Variants in GLRA2 observed in about 807,000 individuals in gnomAD.
The protein encoded by GLRA2 is glycine receptor subunit alpha-2.
In GLRA2, 11 loss-of-function variants were observed where a neutral mutation model predicts 31.6. That is an observed-to-expected ratio of 0.35 (90% confidence interval 0.22 to 0.58). The LOEUF (loss-of-function observed/expected upper bound fraction) is 0.58. Among genes scored for constraint, GLRA2 ranks in the 20% least tolerant of loss-of-function variants. GLRA2 has a pLI of 0.84. For synonymous variants in GLRA2, 132 were observed against 134.0 expected (o/e 0.99, Z 0.10); for missense variants, 212 against 351.8 (o/e 0.60, Z 3.18).
chrX:14,679,025 G>A (rs1329874783), intron 7 of GLRA2, among the ~76,000 whole-genome samples: 1 of 111,149 alleles, frequency 9.0e-6, no homozygotes, highest in Non-Finnish European at 1.9e-5. Flanking sequence ...AAAAGAAGTG[G>A]CAAATCCAGC....
chrX:14,700,418 A>G (rs747368433), intron 8 of GLRA2, among the ~76,000 whole-genome samples: 1 of 111,345 alleles, frequency 9.0e-6, no homozygotes, highest in Non-Finnish European at 1.9e-5. Flanking sequence ...TGTGAGCACC[A>G]GCATATCAGA....
intron 2 of GLRA2, among the ~76,000 whole-genome samples, chrX:14,540,257 T>C (rs1601690881): frequency 1.8e-5 from 2 of 111,451 alleles, no homozygotes; most frequent in African/African-American, 6.5e-5. Context: ...TGTAGTATTC[T>C]GGGACTATCA....
At chrX:14,686,497 C>A (rs1229072364) in intron 7 of GLRA2, among the ~76,000 whole-genome samples, 1 of 111,350 alleles carries the variant, frequency 9.0e-6, no homozygotes, top group Non-Finnish European at 1.9e-5. Flanking sequence ...TCTGGGTGCT[C>A]CTGTGTTGGG....
intron 7 of GLRA2, among the ~76,000 whole-genome samples, chrX:14,643,073 T>C (rs752617831): frequency 8.9e-6 from 1 of 111,762 alleles, no homozygotes; most frequent in Non-Finnish European, 1.9e-5. Context: ...GGAGAAGGAA[T>C]GTTGGCAGCC....
intron 3 of GLRA2, among the ~76,000 whole-genome samples, chrX:14,580,677 C>T (rs2090007089): frequency 1.8e-5 from 2 of 111,963 alleles, no homozygotes; most frequent in Admixed American, 1.9e-4. Flanking sequence ...TTAATGTTTA[C>T]GTTGATAAAT....
chrX:14,570,982 A>G (rs1228725039), intron 2 of GLRA2, among the ~76,000 whole-genome samples: 2 of 110,470 alleles, frequency 1.8e-5, no homozygotes, highest in South Asian at 3.9e-4. Context: ...TACTTGAATT[A>G]TGGCCAGGCC....
chrX:14,623,612 T>A (rs1431768821), intron 7 of GLRA2, among the ~76,000 whole-genome samples: 1 of 111,604 alleles, frequency 9.0e-6, no homozygotes, highest in African/African-American at 3.3e-5. Flanking sequence ...GATAATCATG[T>A]GTTTTTGTCA....
At chrX:14,486,103 C>G in the GLRA2 span, among the ~76,000 whole-genome samples, 10 of 110,782 alleles carry the variant, frequency 9.0e-5, no homozygotes, top group Non-Finnish European at 1.7e-4. Flanking sequence ...GGAATTGTGC[C>G]CACATATACA....
intron 3 of GLRA2, among the ~76,000 whole-genome samples, chrX:14,575,752 C>T (rs1012200665): frequency 9.0e-6 from 1 of 111,651 alleles, no homozygotes; most frequent in African/African-American, 3.3e-5. Context: ...TTAACTACTA[C>T]ACCCAGGCTT....
intron 8 of GLRA2, among the ~76,000 whole-genome samples, chrX:14,723,430 T>C (rs2091889557): frequency 8.9e-6 from 1 of 112,288 alleles, no homozygotes; most frequent in African/African-American, 3.2e-5. Flanking sequence ...TGTAGCTTTG[T>C]AACTTCTTGG....
chrX:14,661,985 G>T (rs765798497), intron 7 of GLRA2, among the ~76,000 whole-genome samples: 1 of 108,375 alleles, frequency 9.2e-6, no homozygotes, highest in Admixed American at 9.9e-5. Context: ...AATATCTCAA[G>T]CCTATGATGT....
the GLRA2 span, among the ~76,000 whole-genome samples, chrX:14,458,171 T>C: frequency 9.0e-6 from 1 of 110,915 alleles, no homozygotes; most frequent in Admixed American, 9.6e-5. Flanking sequence ...GGTTTCCAGC[T>C]TCATCCATGT....
chrX:14,581,694 G>A (rs1049735371), intron 4 of GLRA2, among the ~76,000 whole-genome samples: 3 of 108,916 alleles, frequency 2.8e-5, no homozygotes, highest in African/African-American at 3.4e-5. Flanking sequence ...AGGCTATTCC[G>A]TTCAATTGCC....
chrX:14,607,310 T>G (rs1281820425), intron 6 of GLRA2, 42 bp downstream of exon 6: 2 of 1,045,852 alleles, frequency 1.9e-6, no homozygotes, highest in African/African-American at 3.9e-5. Flanking sequence ...TAAACACAAG[T>G]GAGCGCCATT....
At chrX:14,535,845 C>G (rs1465636293) in intron 2 of GLRA2, among the ~76,000 whole-genome samples, 1 of 112,329 alleles carries the variant, frequency 8.9e-6, no homozygotes, top group East Asian at 2.8e-4. Context: ...AAACATTAGG[C>G]TTTTAATGAA....
intron 7 of GLRA2, among the ~76,000 whole-genome samples, chrX:14,647,238 C>A (rs909065510): frequency 1.7e-4 from 19 of 112,437 alleles, no homozygotes; most frequent in Non-Finnish European, 3.0e-4. Context: ...AAACATTTGT[C>A]TTCAGCTGTG....
At chrX:14,592,821 C>T (rs181251004) in intron 4 of GLRA2, among the ~76,000 whole-genome samples, 1 of 112,525 alleles carries the variant, frequency 8.9e-6, no homozygotes. Flanking sequence ...AGAATATGTT[C>T]ATGAAACATA....
chrX:14,481,859 T>C, the GLRA2 span, among the ~76,000 whole-genome samples: 1 of 111,176 alleles, frequency 9.0e-6, no homozygotes, highest in Non-Finnish European at 1.9e-5. Context: ...AGTTTAGTCA[T>C]ATTTATAAGT....
chrX:14,499,737 C>A, the GLRA2 span, among the ~76,000 whole-genome samples: 8 of 111,066 alleles, frequency 7.2e-5, no homozygotes, highest in African/African-American at 2.6e-4. Flanking sequence ...TGAAAAACCT[C>A]CTTTTGGGTA....
Sources: gnomAD v4.1 joint callset for allele counts (sites outside exome capture counted in the v4.1 genomes callset) on GRCh38, gnomAD v4.1.1 for gene constraint, MANE v1.5 for transcripts, NCBI Gene and HGNC (gene_info 2026-07-23, HGNC 2026-07-21) for gene names.